AGBL4: variants seen among roughly 807,000 people sequenced by gnomAD.
AGBL4 encodes cytosolic carboxypeptidase 6.
A neutral mutation model predicts 66.4 loss-of-function variants in AGBL4; 58 were observed. That is an observed-to-expected ratio of 0.87 (90% CI 0.71 to 1.09). The LOEUF is 1.09. Among genes scored for constraint, AGBL4 ranks in the 50% least tolerant of loss-of-function variants. The pLI is 0.00. For missense variants in AGBL4, 579 were observed against 631.0 expected (o/e 0.92, Z 0.88); for synonymous variants, 234 against 222.9 (o/e 1.05, Z -0.44).
chr1:49,537,655 T>A (rs1486668719), intron 3 of AGBL4, among the ~76,000 whole-genome samples: 1 of 152,198 alleles, frequency 6.6e-6, no homozygotes, highest in Non-Finnish European at 1.5e-5. Context: ...CTGGGCATGG[T>A]GGCTCACGCC....
At chr1:49,382,304 T>C (rs1458451884) in intron 3 of AGBL4, among the ~76,000 whole-genome samples, 1 of 152,188 alleles carries the variant, frequency 6.6e-6, no homozygotes, top group Non-Finnish European at 1.5e-5. Flanking sequence ...GTTTACCAAA[T>C]GCACATTATA....
intron 3 of AGBL4, among the ~76,000 whole-genome samples, chr1:49,383,700 A>T (rs971777177): frequency 1.3e-5 from 2 of 152,146 alleles, no homozygotes; most frequent in African/African-American, 4.8e-5. Flanking sequence ...CTCCTAGAAA[A>T]CATACAGGAA....
chr1:49,332,209 ATGAT>A (rs1306682197), intron 3 of AGBL4, among the ~76,000 whole-genome samples: 1 of 152,234 alleles, frequency 6.6e-6, no homozygotes, highest in Non-Finnish European at 1.5e-5. Flanking sequence ...TCAGTATAGA[ATGAT>A]AACATTTCTG....
intron 3 of AGBL4, among the ~76,000 whole-genome samples, chr1:49,540,834 A>G (rs1162029349): frequency 6.6e-6 from 1 of 152,172 alleles, no homozygotes; most frequent in Non-Finnish European, 1.5e-5. Context: ...GCTAAGTCCA[A>G]TCTTTATAAA....
At chr1:48,673,569 T>C (rs1196144706) in intron 6 of AGBL4, among the ~76,000 whole-genome samples, 2 of 152,252 alleles carry the variant, frequency 1.3e-5, no homozygotes, top group Admixed American at 6.5e-5. Flanking sequence ...AAAGTATTTC[T>C]ATTAAAGAGT....
At chr1:48,557,655 G>A (rs1012550173) in intron 11 of AGBL4, among the ~76,000 whole-genome samples, 3 of 152,196 alleles carry the variant, frequency 2.0e-5, no homozygotes, top group African/African-American at 7.2e-5. Context: ...GGGGTAGAAG[G>A]ATCCGGTTCC....
At chr1:48,902,633 G>A (rs1348264268) in intron 5 of AGBL4, among the ~76,000 whole-genome samples, 2 of 152,082 alleles carry the variant, frequency 1.3e-5, no homozygotes, top group African/African-American at 4.8e-5. Flanking sequence ...ACAGAAGGAA[G>A]CCCTCATCTC....
intron 6 of AGBL4, among the ~76,000 whole-genome samples, chr1:48,807,670 T>G (rs1315448582): frequency 6.6e-6 from 1 of 152,110 alleles, no homozygotes; most frequent in Admixed American, 6.6e-5. Flanking sequence ...ACATTTTCCT[T>G]TTATCCAGCC....
intron 4 of AGBL4, among the ~76,000 whole-genome samples, chr1:49,159,683 G>A (rs190359545): frequency 7.4e-4 from 113 of 152,140 alleles, no homozygotes; most frequent in Non-Finnish European, 1.2e-3. Context: ...TTCTCCCCCC[G>A]TCACTTTCAG....
intron 3 of AGBL4, among the ~76,000 whole-genome samples, chr1:49,469,440 T>C (rs1201307420): frequency 6.6e-6 from 1 of 151,850 alleles, no homozygotes; most frequent in Non-Finnish European, 1.5e-5. Flanking sequence ...CAACTAAGAT[T>C]ATCTCTGAGC....
At chr1:49,270,497 A>C (rs1644033208) in intron 3 of AGBL4, among the ~76,000 whole-genome samples, 1 of 151,872 alleles carries the variant, frequency 6.6e-6, no homozygotes, top group Non-Finnish European at 1.5e-5. Context: ...GTCTAATCCT[A>C]GGAGGCTCTA....
intron 3 of AGBL4, among the ~76,000 whole-genome samples, chr1:49,395,940 C>T (rs1326548265): frequency 6.7e-6 from 1 of 149,708 alleles, no homozygotes; most frequent in Non-Finnish European, 1.5e-5. Flanking sequence ...CATCCCCTTA[C>T]CCTCTCAACT....
intron 5 of AGBL4, among the ~76,000 whole-genome samples, chr1:48,925,508 T>G (rs1326947351): frequency 6.6e-6 from 1 of 151,964 alleles, no homozygotes; most frequent in Non-Finnish European, 1.5e-5. Context: ...ATTATGAGAT[T>G]TTTTTTGTGT....
At chr1:49,251,560 C>G (rs1652062231) in intron 3 of AGBL4, among the ~76,000 whole-genome samples, 1 of 152,182 alleles carries the variant, frequency 6.6e-6, no homozygotes, top group Non-Finnish European at 1.5e-5. Flanking sequence ...ATCCCTGAGC[C>G]AACACCACCT....
intron 3 of AGBL4, among the ~76,000 whole-genome samples, chr1:49,689,374 T>C (rs2124587590): frequency 1.3e-5 from 2 of 152,218 alleles, no homozygotes; most frequent in Admixed American, 1.3e-4. Context: ...CAAAAAGGAG[T>C]TCACTGTAGA....
rs573061084 is a variant in AGBL4, at chr1:48,991,693, C to T, written c.594+53891G>A. Among the ~76,000 whole-genome samples the T allele has an allele frequency of 3.9e-5, 6 of 151,986 alleles. No homozygotes were observed. The South Asian group carries it at 1.2e-3, about 32-fold the overall frequency. On this transcript the variant is annotated intron_variant, in intron 5 of 13. Coordinates refer to ENST00000371839, the MANE Select transcript of AGBL4 (RefSeq NM_032785.4). Reference sequence around the variant, plus strand: ...ATTCTTTTTCTCTCTTTTGTCTCTTCTGACTGTGTATTTTCAAATAGCCTT... The same window carrying T: ...ATTCTTTTTCTCTCTTTTGTCTCTTTTGACTGTGTATTTTCAAATAGCCTT...
chr1:49,052,319 G>C (rs1229556654), intron 4 of AGBL4, among the ~76,000 whole-genome samples: 1 of 152,158 alleles, frequency 6.6e-6, no homozygotes, highest in Non-Finnish European at 1.5e-5. Flanking sequence ...TCCAGGGACA[G>C]GCACCCCATG....
At chr1:48,850,662 C>T (rs1371735170) in intron 6 of AGBL4, among the ~76,000 whole-genome samples, 4 of 152,090 alleles carry the variant, frequency 2.6e-5, no homozygotes, top group Admixed American at 2.6e-4. Context: ...GTAGCTGGGA[C>T]TACTGGCATG....
intron 2 of AGBL4, among the ~76,000 whole-genome samples, chr1:49,714,007 A>G (rs185590807): frequency 6.6e-6 from 1 of 152,146 alleles, no homozygotes; most frequent in East Asian, 1.9e-4. Context: ...GCACTCTCTA[A>G]ACACTCTTCT....
Sources: allele counts gnomAD v4.1 joint callset (sites outside exome capture counted in the v4.1 genomes callset), GRCh38; gene constraint gnomAD v4.1.1; transcripts MANE v1.5; gene names NCBI Gene and HGNC (gene_info 2026-07-23, HGNC 2026-07-21).